Variants in SRL observed in about 807,000 individuals in gnomAD.
SRL encodes the protein sarcalumenin.
In SRL, 23 loss-of-function variants were observed where a neutral mutation model predicts 39.5. That is an observed-to-expected ratio of 0.58 (90% CI 0.42 to 0.82). The LOEUF (loss-of-function observed/expected upper bound fraction) is 0.82. Ranked by LOEUF, SRL falls within the 40% of genes least tolerant of loss-of-function variation. The pLI is 0.00. For synonymous variants in SRL, 272 were observed against 237.4 expected, an observed-to-expected ratio of 1.15 and a Z score of -1.34; for missense variants, 592 against 607.8, an observed-to-expected ratio of 0.97 and a Z score of 0.27.
chr16:4,206,237 C>T (rs1308704529), intron 1 of SRL, among the ~76,000 whole-genome samples: 2 of 152,186 alleles, frequency 1.3e-5, no homozygotes, highest in Non-Finnish European at 2.9e-5. Context: ...CGGTCACAGC[C>T]TGAGTTCTCA....
intron 1 of SRL, among the ~76,000 whole-genome samples, chr16:4,237,030 C>T (rs1028020931): frequency 2.6e-5 from 4 of 152,102 alleles, no homozygotes; most frequent in Admixed American, 1.3e-4. Context: ...CAGCCTCAGC[C>T]TACCAAGCTC....
rs563125880 is a variant in SRL, at chr16:4,197,224, A to T, written c.376+575T>A. ...GCTGGGACTACAGGCACCCGCCATC[A>T]CACCCAGCTAATTTTTTGTATTTTT... On this transcript the variant is annotated intron_variant, in intron 4 of 5. Transcript: ENST00000399609. 9.7e-3 allele frequency among the ~76,000 whole-genome samples: 1,453 copies of T among 150,238 alleles called. 19 individuals are homozygous for T. Among genetic ancestry groups the T allele is most frequent in the Non-Finnish European group, 0.013 (902 of 67,508 alleles).
chr16:4,234,755 A>G (rs541122560), intron 1 of SRL, among the ~76,000 whole-genome samples: 29 of 152,312 alleles, frequency 1.9e-4, no homozygotes, highest in African/African-American at 6.5e-4. Flanking sequence ...CGTGCTCGCC[A>G]TGGCTCCAAT....
At chr16:4,202,638 A>G (rs7206396) in intron 3 of SRL, among the ~76,000 whole-genome samples, 34,438 of 151,528 alleles carry the variant, frequency 0.23, 4,809 homozygotes, top group African/African-American at 0.38. Flanking sequence ...TTATTTTTCA[A>G]CGTATACCAT....
intron 1 of SRL, among the ~76,000 whole-genome samples, chr16:4,232,964 C>A (rs2141068853): frequency 6.6e-6 from 1 of 152,348 alleles, no homozygotes; most frequent in East Asian, 1.9e-4. Context: ...GAGCTCCCAG[C>A]ACAAGCCACT....
Position 4,190,001 on chromosome 16 carries a change from G to C in SRL, c.*2152C>G. ...GGTGGTTAATGAGAAGAAAAGTCCAGGACAGATTCCATCTCATCAGCCCCT... is the reference window on the plus strand; with the variant it reads ...GGTGGTTAATGAGAAGAAAAGTCCACGACAGATTCCATCTCATCAGCCCCT... On this transcript the variant is annotated 3_prime_UTR_variant, in exon 6 of 6. Transcript: ENST00000399609. The C allele has an allele frequency of 2.9e-6, 1 of 341,490 alleles. No homozygotes were observed. The highest frequency in any genetic ancestry group is 5.3e-6 in the Non-Finnish European group (1 of 190,200). 21.2% of individuals were successfully genotyped at this position (341,490 alleles called of 1,614,324 possible).
At chr16:4,207,300 C>CAGTGTCCA in intron 1 of SRL, 1 of 456,852 alleles carries the variant, frequency 2.2e-6, no homozygotes, top group Non-Finnish European at 4.4e-6. Flanking sequence ...CTCAGTGTCC[C>CAGTGTCCA]CTGCCTTAAC....
At chr16:4,228,613 T>A (rs1052234680) in intron 1 of SRL, among the ~76,000 whole-genome samples, 3 of 151,162 alleles carry the variant, frequency 2.0e-5, no homozygotes, top group African/African-American at 4.9e-5. Context: ...CGGGCACCTG[T>A]AGTCCCAGCT....
At chr16:4,202,370 G>A (rs2052247486) in intron 3 of SRL, among the ~76,000 whole-genome samples, 1 of 152,198 alleles carries the variant, frequency 6.6e-6, no homozygotes, top group South Asian at 2.1e-4. Flanking sequence ...GAAGCGGGCA[G>A]ATCACGAGGT....
chr16:4,198,177 A>G (rs2052175082), intron 3 of SRL, among the ~76,000 whole-genome samples: 1 of 152,242 alleles, frequency 6.6e-6, no homozygotes, highest in South Asian at 2.1e-4. Flanking sequence ...AGTGAATTCA[A>G]CAAACCCTGA....
At chr16:4,230,323 A>G (rs1460048342) in intron 1 of SRL, among the ~76,000 whole-genome samples, 1 of 152,046 alleles carries the variant, frequency 6.6e-6, no homozygotes, top group East Asian at 1.9e-4. Flanking sequence ...CCTAGGAGAA[A>G]GCCCCCCAAA....
intron 1 of SRL, among the ~76,000 whole-genome samples, chr16:4,224,425 G>A (rs777063535): frequency 6.6e-6 from 1 of 152,086 alleles, no homozygotes; most frequent in East Asian, 1.9e-4. Flanking sequence ...ATAAAGTGAG[G>A]CCAGGCACGG....
chr16:4,198,038 G>A (rs1031532726), intron 3 of SRL, 123 bp from the exon 4 acceptor site: 1 of 707,212 alleles, frequency 1.4e-6, no homozygotes, highest in Non-Finnish European at 2.6e-6. Context: ...CCATGAATCA[G>A]ACGTGTGTAG....
At chr16:4,206,148 C>A (rs1357804887) in intron 1 of SRL, among the ~76,000 whole-genome samples, 4 of 152,174 alleles carry the variant, frequency 2.6e-5, no homozygotes, top group African/African-American at 9.7e-5. Context: ...CTTAGCCCGG[C>A]CCTTCCCCCT....
intron 1 of SRL, among the ~76,000 whole-genome samples, chr16:4,227,997 C>T (rs2052611269): frequency 1.3e-5 from 2 of 152,216 alleles, no homozygotes; most frequent in Admixed American, 1.3e-4. Context: ...TGGGGTGGGA[C>T]ACTGCAGGAG....
intron 1 of SRL, chr16:4,207,446 C>G (rs111990514): frequency 2.2e-6 from 1 of 456,910 alleles, no homozygotes; most frequent in South Asian, 1.5e-5. Context: ...CAGGGGCTCC[C>G]TCTGGCACTG....
intron 1 of SRL, among the ~76,000 whole-genome samples, chr16:4,221,414 A>T (rs545447608): frequency 8.5e-5 from 13 of 152,078 alleles, no homozygotes; most frequent in Non-Finnish European, 1.8e-4. Flanking sequence ...CCTACTCCCT[A>T]GTTCCCAAAG....
chr16:4,205,838 T>A (rs2052311929), intron 1 of SRL, among the ~76,000 whole-genome samples: 1 of 151,778 alleles, frequency 6.6e-6, no homozygotes, highest in Non-Finnish European at 1.5e-5. Context: ...CTCAGGAGGC[T>A]GAGGTGGGAG....
At chr16:4,197,069 T>TC (rs1274687992) in intron 4 of SRL, among the ~76,000 whole-genome samples, 1 of 81,800 alleles carries the variant, frequency 1.2e-5, no homozygotes, top group East Asian at 3.3e-4. Context: ...TCTTTTTTTT[T>TC]TTTTTTTTTT....
Sources: allele counts gnomAD v4.1 joint callset (sites outside exome capture counted in the v4.1 genomes callset), GRCh38; gene constraint gnomAD v4.1.1; transcripts MANE v1.5; gene names NCBI Gene and HGNC (gene_info 2026-07-23, HGNC 2026-07-21).